The following ABCA9 variants were observed in gnomAD, a reference collection of about 807,000 sequenced individuals.
ABCA9 encodes ATP-binding cassette sub-family A member 9.
Under a neutral mutation model 205.3 loss-of-function variants are expected in ABCA9, and 183 were observed. The observed-to-expected ratio is 0.89, with a 90% CI of 0.79 to 1.01. ABCA9 has a LOEUF of 1.01. Among genes scored for constraint, ABCA9 ranks in the 50% least tolerant of loss-of-function variants. The pLI is 0.00. For synonymous variants in ABCA9, 651 were observed against 683.3 expected (o/e 0.95, Z 0.74); for missense variants, 1,805 against 1,912.4 (o/e 0.94, Z 1.05).
chr17:68,984,080 G>A lies in ABCA9; in HGVS notation c.4475C>T (p.Ala1492Val). The stretch of plus-strand genomic sequence containing the variant: ...CCTCAGCCTTCCTGACACCATGATG[G>A]CCACTCGGTCACACACCGCCTCAGC... ...AEAEAVCDRV[A>V]IMVSGRLRCI... The change falls in exon 35 of 39, where the codon GCC (alanine) becomes GTC (valine). Residue 1492 changes from alanine to valine, a missense_variant. Physicochemically the swap from Ala to Val is moderately conservative, Grantham distance 64. Transcript: ENST00000340001. 1.2e-6 allele frequency: 2 copies of A among 1,614,098 alleles called. No individual in the cohort carries two copies. The highest frequency in any genetic ancestry group is 1.7e-6 in the Non-Finnish European group (2 of 1,180,014).
At chr17:69,029,975 A>G (rs939953180) in intron 10 of ABCA9, among the ~76,000 whole-genome samples, 8 of 152,344 alleles carry the variant, frequency 5.3e-5, no homozygotes, top group Non-Finnish European at 1.2e-4. Flanking sequence ...TCTGTAGAAC[A>G]AACCCCCATG....
chr17:69,038,725 G>C (rs2071429216), intron 6 of ABCA9, among the ~76,000 whole-genome samples: 1 of 152,064 alleles, frequency 6.6e-6, no homozygotes, highest in Non-Finnish European at 1.5e-5. Flanking sequence ...AGCACAATCA[G>C]GCAAGAGAAA....
At chr17:69,004,583 C>A (rs998202504) in intron 25 of ABCA9, 2 of 152,424 alleles carry the variant, frequency 1.3e-5, no homozygotes, top group Non-Finnish European at 2.9e-5. Context: ...GTGCCCTGCC[C>A]CCAGAGGTGG....
In ABCA9 at chr17:68,984,885, C is replaced by T. The variant is rs145682636; in HGVS notation, c.4379G>A (p.Trp1460Ter). The T allele has an allele frequency of 3.7e-5, 60 of 1,614,002 alleles. No homozygotes were observed. The East Asian group carries it at 1.2e-3, about 34-fold the overall frequency. ...GAGGTTGCTCATGATAGCACCTCAC[C>T]ACATTTGCTGCTGCCCCTCGGGGTC... ...GMDPEGQQQM[W>*]QVIRATFRNT... is the part of the protein sequence containing the mutation. The change falls in exon 34 of 39, where the codon TGG (tryptophan) becomes TAG (stop). Residue 1460 changes from tryptophan to a stop codon, truncating the protein, a stop_gained and splice_region_variant. Transcript: ENST00000340001. LOFTEE classifies it high-confidence loss of function.
At chr17:68,999,955 C>T (rs1302449470) in intron 25 of ABCA9, among the ~76,000 whole-genome samples, 1 of 152,130 alleles carries the variant, frequency 6.6e-6, no homozygotes, top group Admixed American at 6.5e-5. Flanking sequence ...ATGTCCTTCG[C>T]CCACTTTTTG....
intron 25 of ABCA9, among the ~76,000 whole-genome samples, chr17:69,003,751 A>T (rs1304474956): frequency 6.6e-6 from 1 of 151,868 alleles, no homozygotes; most frequent in Non-Finnish European, 1.5e-5. Context: ...ACTTTCAGGT[A>T]CACCAATCAG....
rs1221008558 is a variant in ABCA9, at chr17:69,011,961, T to G, written c.3147+15A>C. ...CTAGATATAAAAAACATGTGAAGAC[T>G]TTAACTCTTCTTACTTTGTAGTCAC... On this transcript the variant is annotated intron_variant, in intron 23 of 38. Coordinates refer to ENST00000340001, the MANE Select transcript of ABCA9 (RefSeq NM_080283.4). The G allele has an allele frequency of 1.7e-5, 27 of 1,587,294 alleles. No homozygotes were observed. Among genetic ancestry groups the G allele is most frequent in the Non-Finnish European group, 2.2e-5 (26 of 1,162,016 alleles).
At chr17:69,025,248 A>G (rs1408447276) in intron 16 of ABCA9, among the ~76,000 whole-genome samples, 7 of 152,210 alleles carry the variant, frequency 4.6e-5, no homozygotes, top group African/African-American at 1.7e-4. Context: ...CTTAGCCTTA[A>G]CTGCAAAGTA....
intron 25 of ABCA9, among the ~76,000 whole-genome samples, chr17:68,998,103 C>T (rs78165345): frequency 0.012 from 1,786 of 152,260 alleles, 33 homozygotes; most frequent in African/African-American, 0.039. Context: ...CATGTCTTTT[C>T]GTGACTTAAG....
chr17:69,024,693 T>C (rs116055936), intron 16 of ABCA9, among the ~76,000 whole-genome samples: 1 of 152,118 alleles, frequency 6.6e-6, no homozygotes, highest in African/African-American at 2.4e-5. Context: ...CCTCCCAACC[T>C]TGAGCTTTCC....
At chr17:69,031,530 T>C (rs1445725608) in intron 10 of ABCA9, among the ~76,000 whole-genome samples, 1 of 152,216 alleles carries the variant, frequency 6.6e-6, no homozygotes, top group Non-Finnish European at 1.5e-5. Flanking sequence ...GTATTAGAGA[T>C]TTCTAGCTGT....
intron 23 of ABCA9, among the ~76,000 whole-genome samples, chr17:69,008,636 C>T (rs1306677983): frequency 6.6e-6 from 1 of 152,194 alleles, no homozygotes; most frequent in East Asian, 1.9e-4. Flanking sequence ...GTAAACAGTG[C>T]ATTTATCATT....
the ABCA9 span, among the ~76,000 whole-genome samples, chr17:69,067,644 A>G: frequency 6.6e-6 from 1 of 151,998 alleles, no homozygotes. Context: ...AACAAAGAGA[A>G]AGAAAAGAAA....
intron 38 of ABCA9, 27 bp downstream of exon 38, chr17:68,976,108 G>A (rs2068885753): frequency 6.2e-7 from 1 of 1,606,566 alleles, no homozygotes; most frequent in South Asian, 1.1e-5. Flanking sequence ...TTCCATGGAT[G>A]ATATAGAATC....
chr17:69,005,971 C>A (rs972548671), intron 25 of ABCA9, among the ~76,000 whole-genome samples: 3 of 152,174 alleles, frequency 2.0e-5, no homozygotes, highest in Non-Finnish European at 2.9e-5. Context: ...ATTTGGGCAG[C>A]CATTTCTAAT....
intron 1 of ABCA9, among the ~76,000 whole-genome samples, chr17:69,059,531 C>A (rs1176445598): frequency 1.3e-5 from 2 of 152,138 alleles, no homozygotes; most frequent in Non-Finnish European, 2.9e-5. Context: ...AAAACAGATT[C>A]TCCCCTACAG....
intron 21 of ABCA9, 121 bp downstream of exon 21, chr17:69,017,535 A>C: frequency 9.2e-7 from 1 of 1,087,436 alleles, no homozygotes; most frequent in Middle Eastern, 2.1e-4. Flanking sequence ...TCTTCTATAA[A>C]AATGAGAACT....
At position 69,027,024 on chromosome 17, in the gene ABCA9, CTCTG is replaced by C. The variant is rs1369147987; in HGVS notation, c.1998_2001del (p.Asp666GlufsTer2). On this transcript the variant is annotated frameshift_variant, in exon 15 of 39. Coordinates refer to ENST00000340001, the MANE Select transcript of ABCA9 (RefSeq NM_080283.4). LOFTEE classifies it high-confidence loss of function. Reference sequence around the variant, plus strand: ...ATAAACTGGGTGCTGAAGAGAATTACTCTGTCTGATTTCCCCTCTTTCAGGAGAT... The same window carrying C: ...ATAAACTGGGTGCTGAAGAGAATTACTCTGATTTCCCCTCTTTCAGGAGAT... 1 of 1,614,148 alleles carries C rather than the reference CTCTG, an allele frequency of 6.2e-7. No homozygotes were observed. Among genetic ancestry groups the C allele is most frequent in the South Asian group, 1.1e-5 (1 of 91,088 alleles).
At chr17:69,054,842 A>G (rs2072019075) in intron 1 of ABCA9, among the ~76,000 whole-genome samples, 1 of 152,086 alleles carries the variant, frequency 6.6e-6, no homozygotes, top group African/African-American at 2.4e-5. Flanking sequence ...ATTATAAGAT[A>G]CGCTACCAAT....
Sources: gnomAD v4.1 joint callset for allele counts (sites outside exome capture counted in the v4.1 genomes callset) on GRCh38, gnomAD v4.1.1 for gene constraint, MANE v1.5 for transcripts, NCBI Gene and HGNC (gene_info 2026-07-23, HGNC 2026-07-21) for gene names.